IL1RAPL2: variants seen among roughly 807,000 people sequenced by gnomAD.
IL1RAPL2 encodes X-linked interleukin-1 receptor accessory protein-like 2.
A neutral mutation model predicts 44.1 loss-of-function variants in IL1RAPL2; 3 were observed. The ratio of observed to expected loss-of-function variants is 0.07; its 90% CI spans 0.03 to 0.18. The LOEUF (loss-of-function observed/expected upper bound fraction) is 0.18. Among genes scored for constraint, IL1RAPL2 ranks in the 10% least tolerant of loss-of-function variants. The pLI, the probability that IL1RAPL2 is intolerant of heterozygous loss-of-function variation, is 1.00. For synonymous variants in IL1RAPL2, 181 were observed against 178.8 expected (o/e 1.01, Z -0.10); for missense variants, 391 against 496.4 (o/e 0.79, Z 2.02).
chrX:105,375,294 G>A (rs181519722), intron 5 of IL1RAPL2, among the ~76,000 whole-genome samples: 99 of 110,920 alleles, frequency 8.9e-4, no homozygotes, highest in African/African-American at 3.2e-3. Flanking sequence ...GCTGGATCAC[G>A]AGGTCAGGAG....
chrX:105,453,972 C>T (rs550269384), intron 5 of IL1RAPL2, among the ~76,000 whole-genome samples: 2 of 111,647 alleles, frequency 1.8e-5, no homozygotes, highest in South Asian at 7.5e-4. Flanking sequence ...TAAATAAGTG[C>T]GATTCAAGTA....
intron 6 of IL1RAPL2, among the ~76,000 whole-genome samples, chrX:105,486,333 A>G (rs1602433345): frequency 8.9e-6 from 1 of 112,389 alleles, no homozygotes; most frequent in East Asian, 2.8e-4. Context: ...GTTTTTAAAT[A>G]AGCCTAGCAA....
intron 2 of IL1RAPL2, among the ~76,000 whole-genome samples, chrX:105,045,082 G>A (rs926192725): frequency 9.0e-6 from 1 of 110,990 alleles, no homozygotes; most frequent in African/African-American, 3.3e-5. Flanking sequence ...CAATTATTCA[G>A]AGAATTTGGT....
intron 1 of IL1RAPL2, among the ~76,000 whole-genome samples, chrX:104,585,263 A>AT (rs1465764928): frequency 1.1e-4 from 3 of 27,225 alleles, no homozygotes; most frequent in Admixed American, 7.7e-4. Context: ...TAATATATAT[A>AT]TAATATATTA....
intron 2 of IL1RAPL2, among the ~76,000 whole-genome samples, chrX:104,763,055 G>C (rs73245703): frequency 0.079 from 8,855 of 111,765 alleles, 368 homozygotes; most frequent in Middle Eastern, 0.23. Flanking sequence ...CTTTTCTCCT[G>C]CATTATCAGG....
At chrX:105,536,500 C>A (rs2036678707) in intron 6 of IL1RAPL2, among the ~76,000 whole-genome samples, 1 of 108,547 alleles carries the variant, frequency 9.2e-6, no homozygotes, top group African/African-American at 3.3e-5. Context: ...TGTTCAGTGA[C>A]TTCACCTTCG....
chrX:104,889,339 G>C (rs1408370964), intron 2 of IL1RAPL2, among the ~76,000 whole-genome samples: 1 of 111,641 alleles, frequency 9.0e-6, no homozygotes, highest in East Asian at 2.8e-4. Context: ...ATAGAACACA[G>C]GGAGCCACTC....
At chrX:105,349,128 G>A (rs1172063581) in intron 5 of IL1RAPL2, among the ~76,000 whole-genome samples, 1 of 112,096 alleles carries the variant, frequency 8.9e-6, no homozygotes, top group African/African-American at 3.2e-5. Flanking sequence ...GGAGTTAATC[G>A]TGGTGGCTCT....
intron 6 of IL1RAPL2, among the ~76,000 whole-genome samples, chrX:105,516,646 T>A (rs2036516622): frequency 1.8e-5 from 2 of 111,975 alleles, no homozygotes; most frequent in South Asian, 7.4e-4. Context: ...AATTAGAGTG[T>A]CATGCACATA....
chrX:104,705,250 C>T (rs1931345531), intron 2 of IL1RAPL2, among the ~76,000 whole-genome samples: 1 of 111,615 alleles, frequency 9.0e-6, no homozygotes, highest in African/African-American at 3.3e-5. Context: ...CTTGCCCAAG[C>T]TCATACAGCT....
intron 6 of IL1RAPL2, among the ~76,000 whole-genome samples, chrX:105,715,667 T>C (rs2038251056): frequency 9.0e-6 from 1 of 111,468 alleles, no homozygotes; most frequent in Admixed American, 9.6e-5. Flanking sequence ...GTACATGGGC[T>C]TGAGTTTAGG....
intron 5 of IL1RAPL2, among the ~76,000 whole-genome samples, chrX:105,451,396 A>C (rs1022649480): frequency 1.8e-5 from 2 of 111,878 alleles, no homozygotes; most frequent in African/African-American, 6.5e-5. Context: ...TGCCAGTTGG[A>C]GATAATAATT....
chrX:104,850,215 T>A (rs182667867), intron 2 of IL1RAPL2, among the ~76,000 whole-genome samples: 1,190 of 111,200 alleles, frequency 0.011, 16 homozygotes, highest in African/African-American at 0.035. Flanking sequence ...GATTTTTTTT[T>A]TAAAAAAACC....
intron 5 of IL1RAPL2, among the ~76,000 whole-genome samples, chrX:105,273,138 A>G (rs1173439682): frequency 9.0e-6 from 1 of 111,715 alleles, no homozygotes; most frequent in African/African-American, 3.3e-5. Context: ...GCTCCCAGAG[A>G]GCTTTTATCT....
chrX:104,933,941 A>G (rs1924967167), intron 2 of IL1RAPL2, among the ~76,000 whole-genome samples: 1 of 112,051 alleles, frequency 8.9e-6, no homozygotes, highest in African/African-American at 3.2e-5. Context: ...ACAATGTGGA[A>G]CATATGGAAA....
chrX:105,093,933 A>C (rs1374956005), intron 2 of IL1RAPL2, among the ~76,000 whole-genome samples: 1 of 111,869 alleles, frequency 8.9e-6, no homozygotes, highest in Non-Finnish European at 1.9e-5. Flanking sequence ...AAATAAGGTA[A>C]TGTATGCACA....
chrX:105,083,612 T>C (rs1252393040), intron 2 of IL1RAPL2, among the ~76,000 whole-genome samples: 4 of 111,699 alleles, frequency 3.6e-5, no homozygotes, highest in African/African-American at 1.3e-4. Flanking sequence ...AAATTAACAG[T>C]GGATCCTTCT....
intron 2 of IL1RAPL2, among the ~76,000 whole-genome samples, chrX:105,183,180 CTAA>C (rs2033551001): frequency 9.0e-6 from 1 of 111,071 alleles, no homozygotes; most frequent in African/African-American, 3.3e-5. Context: ...TGCAGAGAGC[CTAA>C]TGTCAGAGTG....
intron 2 of IL1RAPL2, among the ~76,000 whole-genome samples, chrX:104,809,262 A>G (rs1932951099): frequency 8.9e-6 from 1 of 111,898 alleles, no homozygotes; most frequent in Admixed American, 9.5e-5. Flanking sequence ...GAGCTGGGTC[A>G]AATGGTATTT....
Sources: allele counts gnomAD v4.1 joint callset (sites outside exome capture counted in the v4.1 genomes callset), GRCh38; gene constraint gnomAD v4.1.1; transcripts MANE v1.5; gene names NCBI Gene and HGNC (gene_info 2026-07-23, HGNC 2026-07-21).